Variants in TBC1D22B observed in about 807,000 individuals in gnomAD.
The protein encoded by TBC1D22B is TBC1 domain family member 22B, also known as chromosome 6 open reading frame 197.
TBC1D22B carries 32 observed loss-of-function variants against 69.1 expected under a neutral mutation model. That is an observed-to-expected ratio of 0.46 (90% CI 0.35 to 0.62). The LOEUF is 0.62. Among genes scored for constraint, TBC1D22B ranks in the 20% least tolerant of loss-of-function variants. The pLI, the probability that TBC1D22B is intolerant of heterozygous loss-of-function variation, is 0.00. For synonymous variants in TBC1D22B, 206 were observed against 229.8 expected (o/e 0.90, Z 0.94); for missense variants, 462 against 630.9 (o/e 0.73, Z 2.87).
intron 2 of TBC1D22B, among the ~76,000 whole-genome samples, chr6:37,277,965 C>G (rs948956902): frequency 7.3e-6 from 1 of 137,806 alleles, no homozygotes; most frequent in African/African-American, 2.6e-5. Context: ...CCTTATCTCT[C>G]AAAAAAAAAA....
At chr6:37,307,878 A>G (rs367826553) in intron 8 of TBC1D22B, among the ~76,000 whole-genome samples, 198 of 152,348 alleles carry the variant, frequency 1.3e-3, no homozygotes, top group African/African-American at 4.5e-3. Flanking sequence ...GGAAATGCCT[A>G]GAGCAGTGAA....
chr6:37,258,851 C>T (rs1156885138), intron 1 of TBC1D22B, among the ~76,000 whole-genome samples: 2 of 152,130 alleles, frequency 1.3e-5, no homozygotes, highest in East Asian at 1.9e-4. Context: ...TTTCTGCCAG[C>T]TACAGTCTAC....
At chr6:37,318,558 A>C (rs1768147577) in intron 12 of TBC1D22B, among the ~76,000 whole-genome samples, 2 of 152,218 alleles carry the variant, frequency 1.3e-5, no homozygotes, top group African/African-American at 4.8e-5. Flanking sequence ...ACACTGGATG[A>C]GATCCCTAAG....
At chr6:37,300,103 A>G (rs1381974734) in intron 8 of TBC1D22B, among the ~76,000 whole-genome samples, 2 of 151,670 alleles carry the variant, frequency 1.3e-5, no homozygotes, top group African/African-American at 4.8e-5. Flanking sequence ...TTCCATTACT[A>G]ATTTATTTTC....
intron 1 of TBC1D22B, among the ~76,000 whole-genome samples, chr6:37,266,930 C>CTTTTTTTTTTTTTTTTTT (rs35702920): frequency 3.6e-5 from 2 of 54,864 alleles, no homozygotes; most frequent in African/African-American, 7.5e-5. Context: ...TTTTCTTCGT[C>CTTTTTTTTTTTTTTTTTT]TTTTTTTTTT....
chr6:37,326,275 G>C (rs1768401028), intron 12 of TBC1D22B, among the ~76,000 whole-genome samples: 1 of 151,782 alleles, frequency 6.6e-6, no homozygotes, highest in Middle Eastern at 3.4e-3. Context: ...AGCTACTCAG[G>C]AGGCTGAGGC....
rs1006291259 is a variant in TBC1D22B at position 37,309,970 on chromosome 6, T to C, written c.983-2948T>C. Among the ~76,000 whole-genome samples the C allele has an allele frequency of 2.7e-5, 4 of 147,538 alleles. No homozygotes were observed. The South Asian group carries it at 6.3e-4, about 23-fold the overall frequency. On this transcript the variant is annotated intron_variant, in intron 8 of 12. Coordinates refer to ENST00000373491, the MANE Select transcript of TBC1D22B (RefSeq NM_017772.4). ...TATTAAAATATAATATAAAACATAA[T>C]ATAAAATATTAGGTAAAATAATTTA...
chr6:37,327,143 T>G (rs1768431252), intron 12 of TBC1D22B, among the ~76,000 whole-genome samples: 1 of 151,154 alleles, frequency 6.6e-6, no homozygotes, highest in South Asian at 2.1e-4. Flanking sequence ...GGCATGGGGG[T>G]GGGGGCATGT....
At chr6:37,276,971 A>G (rs1766689961) in intron 2 of TBC1D22B, among the ~76,000 whole-genome samples, 1 of 151,884 alleles carries the variant, frequency 6.6e-6, no homozygotes, top group Non-Finnish European at 1.5e-5. Context: ...TACAACACAC[A>G]CCCTGGTACC....
intron 2 of TBC1D22B, 54 bp downstream of exon 2, chr6:37,269,704 C>G: frequency 6.5e-7 from 1 of 1,538,392 alleles, no homozygotes. Flanking sequence ...CCTATACCCT[C>G]CCCTATTTTG....
chr6:37,282,398 T>C, intron 4 of TBC1D22B, 34 bp downstream of exon 4: 1 of 1,536,024 alleles, frequency 6.5e-7, no homozygotes, highest in Non-Finnish European at 8.8e-7. Context: ...AGGTAGGAGC[T>C]TTGGGTGACT....
chr6:37,317,024 C>A, intron 11 of TBC1D22B, 87 bp from the exon 12 acceptor site: 1 of 1,476,248 alleles, frequency 6.8e-7, no homozygotes, highest in East Asian at 2.5e-5. Flanking sequence ...AAGAGTTTCC[C>A]ACCTCCCAGA....
chr6:37,258,288 A>G (rs73419821), intron 1 of TBC1D22B: 5,463 of 347,530 alleles, frequency 0.016, 267 homozygotes, highest in African/African-American at 0.11. Flanking sequence ...TGGTCTCGGA[A>G]GTTCCTCCCC....
At chr6:37,323,078 G>A (rs1170774080) in intron 12 of TBC1D22B, among the ~76,000 whole-genome samples, 1 of 151,798 alleles carries the variant, frequency 6.6e-6, no homozygotes, top group Admixed American at 6.6e-5. Flanking sequence ...AAGTCATCTC[G>A]GGAAAGCAGC....
intron 8 of TBC1D22B, among the ~76,000 whole-genome samples, chr6:37,308,563 T>G (rs149712): frequency 0.87 from 131,765 of 152,020 alleles, 57,144 homozygotes; most frequent in Middle Eastern, 0.92. Context: ...CCCATTTCAG[T>G]GCCCCAAAAT....
At chr6:37,284,538 G>C (rs1306774267) in intron 6 of TBC1D22B, 74 bp downstream of exon 6, 1 of 1,448,382 alleles carries the variant, frequency 6.9e-7, no homozygotes, top group African/African-American at 1.4e-5. Context: ...GTGCTCTCAG[G>C]GTACAGGCTT....
chr6:37,267,386 T>TATATATACACACATATATA (rs1766323224), intron 1 of TBC1D22B, among the ~76,000 whole-genome samples: 2 of 2,912 alleles, frequency 6.9e-4, no homozygotes, highest in Non-Finnish European at 2.0e-3. Flanking sequence ...ACATATATAA[T>TATATATACACACATATATA]ATATATATAC....
rs1401734224 is a variant in TBC1D22B at position 37,267,343 on chromosome 6, AT to A, written c.57-2250del. Among the ~76,000 whole-genome samples the A allele has an allele frequency of 8.2e-3, 1,066 of 130,064 alleles. 37 individuals are homozygous for A. The highest frequency in any genetic ancestry group is 0.032 in the African/African-American group (912 of 28,520). 85.3% of individuals were successfully genotyped at this position (130,064 alleles called of 152,430 possible). A position where few individuals can be genotyped will look rare whatever the true frequency, so the allele number is the denominator to read the frequency against. ...ATATATACACACACACATATATAAT[AT>A]ATATATACACACATATATAATATAT... is the stretch of plus-strand genomic sequence containing the variant. On this transcript the variant is annotated intron_variant, in intron 1 of 12. Transcript: ENST00000373491.
intron 12 of TBC1D22B, among the ~76,000 whole-genome samples, chr6:37,322,094 G>A (rs1410483958): frequency 6.6e-6 from 1 of 152,164 alleles, no homozygotes; most frequent in African/African-American, 2.4e-5. Flanking sequence ...TTACCACCAT[G>A]TACAGTTGTG....
Sources: allele counts gnomAD v4.1 joint callset (sites outside exome capture counted in the v4.1 genomes callset), GRCh38; gene constraint gnomAD v4.1.1; transcripts MANE v1.5; gene names NCBI Gene and HGNC (gene_info 2026-07-23, HGNC 2026-07-21).